Variants in RAP1B observed in about 807,000 individuals in gnomAD.
The protein encoded by RAP1B is RAP1B, member of RAS oncogene family, also known as ras-related protein Rap-1b.
In RAP1B, 1 loss-of-function variant was observed where a neutral mutation model predicts 27.5. The ratio of observed to expected loss-of-function variants is 0.04; its 90% CI spans 0.01 to 0.17. The LOEUF (loss-of-function observed/expected upper bound fraction) is 0.17. Ranked by LOEUF, RAP1B falls within the 10% of genes least tolerant of loss-of-function variation. The pLI, the probability that RAP1B is intolerant of heterozygous loss-of-function variation, is 1.00. For synonymous variants in RAP1B, 75 were observed against 73.1 expected, an observed-to-expected ratio of 1.03 and a Z score of -0.13; for missense variants, 84 against 214.8, an observed-to-expected ratio of 0.39 and a Z score of 3.81.
At chr12:68,620,442 C>T (rs924971132) in intron 1 of RAP1B, among the ~76,000 whole-genome samples, 7 of 151,822 alleles carry the variant, frequency 4.6e-5, no homozygotes, top group African/African-American at 1.5e-4. Context: ...AGGCTGGTCC[C>T]GAACTCCTGA....
At chr12:68,642,026 CA>C (rs1440338226) in intron 1 of RAP1B, among the ~76,000 whole-genome samples, 1 of 152,140 alleles carries the variant, frequency 6.6e-6, no homozygotes, top group Non-Finnish European at 1.5e-5. Context: ...ACATTAAGTT[CA>C]TTTCGCATAT....
intron 1 of RAP1B, among the ~76,000 whole-genome samples, chr12:68,642,099 G>T (rs1048812293): frequency 2.0e-5 from 3 of 152,160 alleles, no homozygotes; most frequent in African/African-American, 7.2e-5. Flanking sequence ...TCCCTCATTA[G>T]TTGGTATAAT....
intron 1 of RAP1B, among the ~76,000 whole-genome samples, chr12:68,622,508 G>T (rs1238340680): frequency 6.6e-6 from 1 of 152,162 alleles, no homozygotes; most frequent in Non-Finnish European, 1.5e-5. Flanking sequence ...ACTTCTTTCT[G>T]TGACAATCTT....
intron 1 of RAP1B, among the ~76,000 whole-genome samples, chr12:68,636,000 T>C (rs1400039547): frequency 6.6e-6 from 1 of 151,968 alleles, no homozygotes; most frequent in Non-Finnish European, 1.5e-5. Flanking sequence ...TGCCTCAGCT[T>C]CCTGAGTATC....
chr12:68,626,758 C>G, intron 1 of RAP1B: 1 of 1,046,120 alleles, frequency 9.6e-7, no homozygotes, highest in East Asian at 2.9e-5. Flanking sequence ...AAGGTAGTAT[C>G]AGAATTTTCC....
chr12:68,653,730 C>A (rs1324302508), intron 4 of RAP1B, among the ~76,000 whole-genome samples: 2 of 152,034 alleles, frequency 1.3e-5, no homozygotes, highest in African/African-American at 4.8e-5. Flanking sequence ...AGATGGAGAT[C>A]ATCCTGGCTA....
At chr12:68,618,889 C>T (rs1197466949) in intron 1 of RAP1B, among the ~76,000 whole-genome samples, 1 of 152,122 alleles carries the variant, frequency 6.6e-6, no homozygotes, top group African/African-American at 2.4e-5. Context: ...GCAAGCCTCC[C>T]AGCACTTTGG....
At chr12:68,653,447 G>A (rs1407135631) in intron 4 of RAP1B, among the ~76,000 whole-genome samples, 2 of 150,830 alleles carry the variant, frequency 1.3e-5, no homozygotes, top group African/African-American at 4.9e-5. Flanking sequence ...TGCTGATGGA[G>A]CCCTACAGAA....
At chr12:68,642,370 T>G (rs1039934355) in intron 1 of RAP1B, 1 of 422,810 alleles carries the variant, frequency 2.4e-6, no homozygotes, top group Non-Finnish European at 4.4e-6. Context: ...ACACAAGAAG[T>G]TAAATGAAAC....
chr12:68,611,220 G>A (rs1243266385), intron 1 of RAP1B, among the ~76,000 whole-genome samples, 177 bp downstream of exon 1: 1 of 146,972 alleles, frequency 6.8e-6, no homozygotes, highest in Non-Finnish European at 1.5e-5. Context: ...GCCAGGCGCC[G>A]GGCCCGCGAG....
In RAP1B at chr12:68,634,045, A is replaced by G. The variant is rs1872456604; in HGVS notation, c.-26-14654A>G. Among the ~76,000 whole-genome samples the G allele has an allele frequency of 3.3e-5, 5 of 152,336 alleles. No individual in the cohort carries two copies. The South Asian group carries it at 1.0e-3, about 32-fold the overall frequency. ...ATTGATTCCAGAAATACCAAGGTAGAATGAATCAGACTTGATAATGGAGTG... is the reference window on the plus strand; with the variant it reads ...ATTGATTCCAGAAATACCAAGGTAGGATGAATCAGACTTGATAATGGAGTG... On this transcript the variant is annotated intron_variant, in intron 1 of 7. Coordinates refer to ENST00000250559, the MANE Select transcript of RAP1B (RefSeq NM_001010942.3).
At chr12:68,622,496 G>GTA (rs2135920561) in intron 1 of RAP1B, among the ~76,000 whole-genome samples, 1 of 152,322 alleles carries the variant, frequency 6.6e-6, no homozygotes, top group South Asian at 2.1e-4. Flanking sequence ...CTAGCCAGCT[G>GTA]TACTTCTTTC....
In RAP1B at chr12:68,669,896, TGAC is replaced by T; in HGVS notation, c.*10649_*10651del. The T allele has an allele frequency of 6.6e-6, 1 of 151,686 alleles. No individual in the cohort carries two copies. Among genetic ancestry groups the T allele is most frequent in the East Asian group, 1.9e-4 (1 of 5,166 alleles). The allele number at this position is 151,686 out of a possible 1,614,324, so 9.4% of individuals were successfully genotyped here. On this transcript the variant is annotated 3_prime_UTR_variant, in exon 8 of 8. Coordinates refer to ENST00000250559, the MANE Select transcript of RAP1B (RefSeq NM_001010942.3). ...GAGTCCAGAACTAGATTCCAGTATA[TGAC>T]GTTTATACGTGACAAAAATATATTT...
rs1180474322 is a variant in RAP1B at position 68,670,009 on chromosome 12, T to A, written c.*10760T>A. 1 of 143,542 alleles carries A rather than the reference T, an allele frequency of 7.0e-6. No homozygotes were observed. Among genetic ancestry groups the A allele is most frequent in the Admixed American group, 7.4e-5 (1 of 13,466 alleles). The allele number at this position is 143,542 out of a possible 1,614,324, so 8.9% of individuals were successfully genotyped here. A position where few individuals can be genotyped will look rare whatever the true frequency, so the allele number is the denominator to read the frequency against. On this transcript the variant is annotated 3_prime_UTR_variant, in exon 8 of 8. Coordinates refer to ENST00000250559, the MANE Select transcript of RAP1B (RefSeq NM_001010942.3). ...TGGAGTATAATGGCACGATCTTGGT[T>A]CACCACAACCTCCGCCTCCCAGGTT...
chr12:68,656,693 A>G (rs1874231559), intron 6 of RAP1B: 1 of 571,510 alleles, frequency 1.7e-6, no homozygotes, highest in Non-Finnish European at 3.0e-6. Context: ...AAATACATGG[A>G]TAGGGAAGAC....
intron 1 of RAP1B, chr12:68,642,830 GC>G: frequency 1.0e-6 from 1 of 1,004,312 alleles, no homozygotes; most frequent in East Asian, 2.4e-5. Flanking sequence ...CTTGTAGTAA[GC>G]CCAGTCGATA....
chr12:68,638,158 T>C (rs1385012984), intron 1 of RAP1B, among the ~76,000 whole-genome samples: 2 of 152,202 alleles, frequency 1.3e-5, no homozygotes, highest in Admixed American at 6.5e-5. Context: ...CTAGTCCACA[T>C]TTTTTGTATA....
chr12:68,642,819 C>A, intron 1 of RAP1B: 2 of 1,013,406 alleles, frequency 2.0e-6, no homozygotes, highest in Non-Finnish European at 3.2e-6. Context: ...GCCACGTTGG[C>A]CTTGTAGTAA....
intron 1 of RAP1B, among the ~76,000 whole-genome samples, chr12:68,616,208 T>C (rs1056254563): frequency 1.3e-5 from 2 of 152,122 alleles, no homozygotes; most frequent in African/African-American, 4.8e-5. Context: ...GAGATCCACC[T>C]GCCTCGGCCT....
Sources: gnomAD v4.1 joint callset for allele counts (sites outside exome capture counted in the v4.1 genomes callset) on GRCh38, gnomAD v4.1.1 for gene constraint, MANE v1.5 for transcripts, NCBI Gene and HGNC (gene_info 2026-07-23, HGNC 2026-07-21) for gene names.